The following SHC4 variants were observed in gnomAD, a reference collection of about 807,000 sequenced individuals.
SHC4 encodes the protein SHC-transforming protein 4.
A neutral mutation model predicts 69.4 loss-of-function variants in SHC4; 41 were observed. The observed-to-expected ratio is 0.59, with a 90% CI of 0.46 to 0.77. SHC4 has a LOEUF of 0.77. SHC4 is among the 30% of genes least tolerant of loss of function. The pLI is 0.00. For missense variants in SHC4, 777 were observed against 783.8 expected (o/e 0.99, Z 0.10); for synonymous variants, 318 against 299.3 (o/e 1.06, Z -0.64).
At chr15:48,887,252 C>G (rs1438211325) in intron 3 of SHC4, among the ~76,000 whole-genome samples, 1 of 152,084 alleles carries the variant, frequency 6.6e-6, no homozygotes, top group Non-Finnish European at 1.5e-5. Context: ...TGGCTCCCTC[C>G]CCCCAGGGCA....
chr15:48,884,432 GT>G (rs1045375036), intron 3 of SHC4, 65 bp from the exon 4 acceptor site: 1 of 1,402,714 alleles, frequency 7.1e-7, no homozygotes, highest in African/African-American at 1.5e-5. Flanking sequence ...AAATGTTAAT[GT>G]TTTTTAAATG....
chr15:48,861,785 A>T (rs192897033), intron 6 of SHC4, among the ~76,000 whole-genome samples: 159 of 152,310 alleles, frequency 1.0e-3, no homozygotes, highest in African/African-American at 3.7e-3. Flanking sequence ...TACTAAACTA[A>T]GATTCAAAAG....
chr15:48,877,405 T>C (rs1899827940), intron 4 of SHC4: 1 of 958,396 alleles, frequency 1.0e-6, no homozygotes, highest in Admixed American at 6.2e-5. Flanking sequence ...GTATACACAG[T>C]CATATAATTC....
At chr15:48,945,860 G>A (rs1901267646) in intron 1 of SHC4, 1 of 152,172 alleles carries the variant, frequency 6.6e-6, no homozygotes, top group African/African-American at 2.4e-5. Flanking sequence ...TTTACAGTAT[G>A]TGAATTATAG....
chr15:48,924,749 C>G (rs544028425), intron 2 of SHC4, 130 bp downstream of exon 2: 23 of 888,544 alleles, frequency 2.6e-5, no homozygotes, highest in Non-Finnish European at 4.1e-5. Context: ...ACTGGGCGAG[C>G]CTTCTACACT....
chr15:48,920,313 G>A (rs933335913), intron 2 of SHC4, among the ~76,000 whole-genome samples: 8 of 151,996 alleles, frequency 5.3e-5, no homozygotes, highest in African/African-American at 9.7e-5. Context: ...GAGCCACTGC[G>A]CCTGGCATGG....
intron 2 of SHC4, among the ~76,000 whole-genome samples, chr15:48,918,434 C>T (rs572038416): frequency 6.6e-6 from 1 of 152,288 alleles, no homozygotes; most frequent in African/African-American, 2.4e-5. Context: ...GTTCTTCCTT[C>T]TAATTTTTCC....
intron 2 of SHC4, among the ~76,000 whole-genome samples, chr15:48,910,665 T>A (rs1043347947): frequency 6.6e-6 from 1 of 152,164 alleles, no homozygotes; most frequent in Non-Finnish European, 1.5e-5. Flanking sequence ...AGATTGTCTG[T>A]TTGTGCTCTT....
chr15:48,908,476 A>C (rs2141015411), intron 2 of SHC4, among the ~76,000 whole-genome samples: 1 of 152,294 alleles, frequency 6.6e-6, no homozygotes, highest in East Asian at 1.9e-4. Context: ...ATAGATTGTG[A>C]AGATTTTCTC....
chr15:48,916,346 C>G (rs1457462818), intron 2 of SHC4, among the ~76,000 whole-genome samples: 6 of 151,184 alleles, frequency 4.0e-5, no homozygotes, highest in African/African-American at 1.5e-4. Context: ...TCATTAAAGG[C>G]ATTTGTCACT....
intron 3 of SHC4, among the ~76,000 whole-genome samples, chr15:48,885,405 A>G (rs1900018395): frequency 6.6e-6 from 1 of 152,220 alleles, no homozygotes; most frequent in Non-Finnish European, 1.5e-5. Context: ...TTAGCATAGT[A>G]TTTGGCTGGT....
intron 4 of SHC4, 143 bp downstream of exon 4, chr15:48,884,105 A>G: frequency 1.2e-6 from 1 of 856,146 alleles, no homozygotes; most frequent in Non-Finnish European, 1.6e-6. Flanking sequence ...AATGATTGTT[A>G]TGCATAAATC....
intron 2 of SHC4, among the ~76,000 whole-genome samples, chr15:48,919,091 A>G (rs1187856836): frequency 1.1e-4 from 2 of 18,746 alleles, no homozygotes; most frequent in Admixed American, 1.4e-3. Flanking sequence ...ACTGCTTTCA[A>G]GACCTCCCTG....
At chr15:48,909,079 G>T (rs192245920) in intron 2 of SHC4, among the ~76,000 whole-genome samples, 191 of 152,184 alleles carry the variant, frequency 1.3e-3, no homozygotes, top group African/African-American at 4.5e-3. Context: ...TTCTAATTCT[G>T]TGAAGAATGA....
chr15:48,934,298 A>C (rs1452322744), intron 1 of SHC4, among the ~76,000 whole-genome samples: 2 of 152,224 alleles, frequency 1.3e-5, no homozygotes, highest in Non-Finnish European at 2.9e-5. Flanking sequence ...CATTTCTCCA[A>C]GAAATATATA....
At chr15:48,925,307 T>A (rs1229796163) in intron 1 of SHC4, among the ~76,000 whole-genome samples, 1 of 152,222 alleles carries the variant, frequency 6.6e-6, no homozygotes, top group Non-Finnish European at 1.5e-5. Context: ...CTTCTGTGCC[T>A]CACAGTTTTG....
chr15:48,960,477 C>T (rs1429313648), intron 1 of SHC4, among the ~76,000 whole-genome samples: 1 of 152,144 alleles, frequency 6.6e-6, no homozygotes, highest in Non-Finnish European at 1.5e-5. Context: ...CCATTATGTG[C>T]CATGTCACTG....
At chr15:48,866,625 T>G (rs1205966751) in intron 6 of SHC4, among the ~76,000 whole-genome samples, 1 of 152,224 alleles carries the variant, frequency 6.6e-6, no homozygotes, top group Non-Finnish European at 1.5e-5. Flanking sequence ...AAGTCCCTAC[T>G]CATTAGCTCT....
At chr15:48,872,283 A>G (rs976074622) in intron 4 of SHC4, 141 bp from the exon 5 acceptor site, 1 of 515,144 alleles carries the variant, frequency 1.9e-6, no homozygotes, top group African/African-American at 2.0e-5. Context: ...CCTACACTCT[A>G]TAATAATCTC....
Sources: gnomAD v4.1 joint callset for allele counts (sites outside exome capture counted in the v4.1 genomes callset) on GRCh38, gnomAD v4.1.1 for gene constraint, MANE v1.5 for transcripts, NCBI Gene and HGNC (gene_info 2026-07-23, HGNC 2026-07-21) for gene names.